CFTR: variants seen among roughly 807,000 people sequenced by gnomAD.
CFTR encodes CF transmembrane conductance regulator, also known as cystic fibrosis transmembrane conductance regulator.
A neutral mutation model predicts 171.6 loss-of-function variants in CFTR; 181 were observed. That is an observed-to-expected ratio of 1.05 (90% CI 0.93 to 1.19). CFTR has a LOEUF of 1.19. Ranked by LOEUF, CFTR falls within the 50% of genes most tolerant of loss-of-function variation. The pLI is 0.00. For synonymous variants in CFTR, 583 were observed against 608.0 expected, an observed-to-expected ratio of 0.96 and a Z score of 0.60; for missense variants, 1,968 against 1,734.7, an observed-to-expected ratio of 1.13 and a Z score of -2.39.
At chr7:117,653,071 G>A in intron 24 of CFTR, 140 bp downstream of exon 24, 7 of 671,464 alleles carry the variant, frequency 1.0e-5, no homozygotes, top group South Asian at 3.4e-5. Context: ...TAACATACCT[G>A]GAGCAACAGG....
At chr7:117,628,123 A>G (rs924034913) in intron 22 of CFTR, among the ~76,000 whole-genome samples, 7 of 152,122 alleles carry the variant, frequency 4.6e-5, no homozygotes, top group African/African-American at 1.7e-4. Context: ...GACTCCATCT[A>G]TTGTCTTAAA....
intron 21 of CFTR, among the ~76,000 whole-genome samples, chr7:117,617,119 T>G (rs905809691): frequency 1.3e-5 from 2 of 152,202 alleles, no homozygotes; most frequent in Admixed American, 6.5e-5. Context: ...GAGTTTACAA[T>G]GGAGTAAACA....
At chr7:117,582,211 G>A (rs1791859020) in intron 11 of CFTR, among the ~76,000 whole-genome samples, 1 of 152,056 alleles carries the variant, frequency 6.6e-6, no homozygotes, top group Non-Finnish European at 1.5e-5. Context: ...CCAGGTTTTT[G>A]TTAGAGGAAT....
At chr7:117,545,691 G>C (rs1333814891) in intron 9 of CFTR, among the ~76,000 whole-genome samples, 1 of 152,090 alleles carries the variant, frequency 6.6e-6, no homozygotes, top group Non-Finnish European at 1.5e-5. Context: ...GGCTTAGACA[G>C]TTTAAGTAAC....
intron 10 of CFTR, among the ~76,000 whole-genome samples, chr7:117,555,366 A>G (rs1294860019): frequency 6.6e-6 from 1 of 152,228 alleles, no homozygotes; most frequent in Non-Finnish European, 1.5e-5. Context: ...ATTGTAGTAC[A>G]TATGGTACTA....
rs368044495 is a variant in CFTR, at chr7:117,665,528, C to T, written c.4206C>T (p.His1402=). Residue 1402 remains histidine (H), a synonymous_variant, in exon 26 of 27, where the codon CAC becomes CAT. Transcript: ENST00000003084. ...FADCTVILCE[H]RIEAMLECQQ... is the part of the protein sequence containing the mutation. ...ATTGCACAGTAATTCTCTGTGAACA[C>T]AGGATAGAAGCAATGCTGGAATGCC... 5 of 1,613,026 alleles carry T rather than the reference C, an allele frequency of 3.1e-6. No homozygotes were observed. The African/African-American group carries it at 6.7e-5, about 22-fold the overall frequency.
intron 21 of CFTR, among the ~76,000 whole-genome samples, chr7:117,618,901 A>G (rs529985498): frequency 1.3e-5 from 2 of 152,300 alleles, no homozygotes; most frequent in East Asian, 3.9e-4. Flanking sequence ...TTCCTATTGG[A>G]ACACCCCATG....
intron 23 of CFTR, among the ~76,000 whole-genome samples, chr7:117,650,318 T>A (rs1333632762): frequency 2.6e-5 from 4 of 152,074 alleles, no homozygotes; most frequent in Non-Finnish European, 5.9e-5. Flanking sequence ...GGGAGAAAGA[T>A]AAGTCATGAA....
In CFTR at chr7:117,642,509, T is replaced by C. The variant is rs200921635; in HGVS notation, c.3789T>C (p.Thr1263=). ...LLSAFLRLLN[T]EGEIQIDGVS... ...CAGCTTTTTTGAGACTACTGAACAC[T>C]GAAGGAGAAATCCAGATCGATGGTG... Residue 1263 remains threonine (T), a synonymous_variant, in exon 23 of 27, where the codon ACT becomes ACC. Transcript: ENST00000003084. 28 of 1,613,584 alleles carry C rather than the reference T, an allele frequency of 1.7e-5. No homozygotes were observed. The Admixed American group carries it at 4.2e-4, about 24-fold the overall frequency.
At chr7:117,654,151 C>T (rs1793129105) in intron 24 of CFTR, among the ~76,000 whole-genome samples, 1 of 152,180 alleles carries the variant, frequency 6.6e-6, no homozygotes, top group South Asian at 2.1e-4. Context: ...AATCCCACAC[C>T]TATGGCTCCC....
chr7:117,591,302 T>C (rs1459476686), intron 13 of CFTR, among the ~76,000 whole-genome samples: 1 of 152,126 alleles, frequency 6.6e-6, no homozygotes, highest in Non-Finnish European at 1.5e-5. Flanking sequence ...TTCTATATGA[T>C]ATATGACATT....
rs1288541622 is a variant in CFTR, at chr7:117,664,802, G to A, written c.4078G>A (p.Val1360Ile). The stretch of plus-strand genomic sequence containing the variant: ...GCAGTTGATGTGCTTGGCTAGATCT[G>A]TTCTCAGTAAGGCGAAGATCTTGCT... ...HKQLMCLARS[V>I]LSKAKILLLD... Residue 1360 changes from valine to isoleucine, a missense_variant, in exon 25 of 27, where the codon GTT (valine) becomes ATT (isoleucine). Physicochemically the swap from Val to Ile is conservative, Grantham distance 29. Transcript: ENST00000003084. The A allele has an allele frequency of 6.2e-7, 1 of 1,614,044 alleles. No homozygotes were observed. Among genetic ancestry groups the A allele is most frequent in the South Asian group, 1.1e-5 (1 of 91,080 alleles).
chr7:117,574,417 T>G (rs17547485), intron 11 of CFTR, among the ~76,000 whole-genome samples: 10,838 of 152,142 alleles, frequency 0.071, 424 homozygotes, highest in Middle Eastern at 0.12. Context: ...TCTGAAACAC[T>G]TATTATTAAA....
intron 22 of CFTR, among the ~76,000 whole-genome samples, chr7:117,638,521 G>C (rs1033008379): frequency 1.3e-5 from 2 of 151,750 alleles, no homozygotes; most frequent in Non-Finnish European, 2.9e-5. Flanking sequence ...GGATCACTTG[G>C]GGTCAGGAGT....
intron 21 of CFTR, among the ~76,000 whole-genome samples, chr7:117,618,244 C>A (rs562313944): frequency 6.6e-6 from 1 of 152,186 alleles, no homozygotes; most frequent in East Asian, 1.9e-4. Flanking sequence ...CTTGATGAAT[C>A]TTGGAAGGCC....
chr7:117,566,308 G>A (rs180855033), intron 11 of CFTR, among the ~76,000 whole-genome samples: 4 of 151,528 alleles, frequency 2.6e-5, no homozygotes, highest in Admixed American at 6.6e-5. Flanking sequence ...GGTGGTGCAC[G>A]TTTGTAGTCC....
At chr7:117,622,821 A>G (rs775071991) in intron 21 of CFTR, among the ~76,000 whole-genome samples, 3 of 152,166 alleles carry the variant, frequency 2.0e-5, no homozygotes, top group Non-Finnish European at 2.9e-5. Context: ...CTTGTCACAC[A>G]AAGTGACAAA....
chr7:117,598,356 A>C (rs995217552), intron 15 of CFTR, among the ~76,000 whole-genome samples: 3 of 152,192 alleles, frequency 2.0e-5, no homozygotes, highest in African/African-American at 7.2e-5. Context: ...TAAATGACCC[A>C]GAAAAAGAAC....
chr7:117,556,886 A>C lies in CFTR; in HGVS notation c.1393-2578A>C, dbSNP rs568629797. Among the ~76,000 whole-genome samples the C allele has an allele frequency of 4.6e-5, 7 of 152,160 alleles. No homozygotes were observed. In the East Asian group the frequency reaches 1.4e-3, roughly 29 times the overall value. On this transcript the variant is annotated intron_variant, in intron 10 of 26. Transcript: ENST00000003084. ...TACTTTTCTTCCTGATTAGGTTTCT[A>C]CTAAAACCAAACAAGCTTTCCATGA... is the stretch of plus-strand genomic sequence containing the variant.
Sources: allele counts gnomAD v4.1 joint callset (sites outside exome capture counted in the v4.1 genomes callset), GRCh38; gene constraint gnomAD v4.1.1; transcripts MANE v1.5; gene names NCBI Gene and HGNC (gene_info 2026-07-23, HGNC 2026-07-21).